The following FBN1 variants were observed in gnomAD, a reference collection of about 807,000 sequenced individuals.
FBN1 encodes fibrillin 1.
Under a neutral mutation model 365.1 loss-of-function variants are expected in FBN1, and 29 were observed. That is an observed-to-expected ratio of 0.08 (90% CI 0.06 to 0.11). The LOEUF is 0.11. FBN1 is among the 10% of genes least tolerant of loss of function. FBN1 has a pLI of 1.00. For missense variants in FBN1, 2,476 were observed against 3,703.2 expected, an observed-to-expected ratio of 0.67 and a Z score of 8.60; for synonymous variants, 1,210 against 1,270.5, an observed-to-expected ratio of 0.95 and a Z score of 1.01.
intron 13 of FBN1, among the ~76,000 whole-genome samples, chr15:48,511,685 A>G (rs748165930): frequency 2.0e-5 from 3 of 152,194 alleles, no homozygotes; most frequent in Non-Finnish European, 2.9e-5. Context: ...AACTTTCATC[A>G]GCAAAATAAT....
In FBN1 at chr15:48,564,618, C is replaced by T. The variant is rs150025656; in HGVS notation, c.539-26810G>A. On this transcript the variant is annotated intron_variant, in intron 6 of 65. Transcript: ENST00000316623. ...AAAATCCCAGGTGGCCCTCACATAT[C>T]GATGAAATAAATATTTATAGTTGCA... is the stretch of plus-strand genomic sequence containing the variant. Among the ~76,000 whole-genome samples, 1,031 of 152,066 alleles carry T rather than the reference C, an allele frequency of 6.8e-3. 16 individuals are homozygous for T. Among genetic ancestry groups the T allele is most frequent in the African/African-American group, 0.024 (981 of 41,490 alleles).
At chr15:48,628,049 G>A (rs1427643072) in intron 2 of FBN1, among the ~76,000 whole-genome samples, 4 of 152,174 alleles carry the variant, frequency 2.6e-5, no homozygotes, top group East Asian at 3.9e-4. Flanking sequence ...TCACCCAGGA[G>A]TTTTCTATCA....
intron 3 of FBN1, among the ~76,000 whole-genome samples, chr15:48,611,561 A>G (rs2044656354): frequency 6.6e-6 from 1 of 152,130 alleles, no homozygotes; most frequent in African/African-American, 2.4e-5. Flanking sequence ...CGTCCAGCCT[A>G]TTGTAAATGT....
At chr15:48,465,108 G>T (rs2043310068) in intron 40 of FBN1, among the ~76,000 whole-genome samples, 1 of 152,136 alleles carries the variant, frequency 6.6e-6, no homozygotes, top group Admixed American at 6.5e-5. Context: ...ATGAACAAGG[G>T]CCACCACTCA....
At chr15:48,429,442 AT>A (rs1289429064) in intron 56 of FBN1, among the ~76,000 whole-genome samples, 11 of 152,262 alleles carry the variant, frequency 7.2e-5, no homozygotes, top group Admixed American at 4.6e-4. Context: ...TCTGATGATT[AT>A]TTAGAAAGAT....
Position 48,436,883 on chromosome 15 carries a change from T to C in FBN1, c.6496+78A>G, listed in dbSNP as rs363819. The stretch of plus-strand genomic sequence containing the variant: ...TTTCAGTGCCATCTTGGTACCTATA[T>C]TCATGGCTATACAGTGAATACTGTA... On this transcript the variant is annotated intron_variant, in intron 53 of 65. Coordinates refer to ENST00000316623, the MANE Select transcript of FBN1 (RefSeq NM_000138.5). The C allele has an allele frequency of 9.5e-5, 85 of 892,970 alleles. No individual in the cohort carries two copies. In the East Asian group the frequency reaches 1.4e-3, roughly 15 times the overall value. 55.3% of individuals were successfully genotyped at this position (892,970 alleles called of 1,614,324 possible). A position where few individuals can be genotyped will look rare whatever the true frequency, so the allele number is the denominator to read the frequency against.
intron 60 of FBN1, among the ~76,000 whole-genome samples, chr15:48,423,920 A>G (rs2042960806): frequency 6.6e-6 from 1 of 152,220 alleles, no homozygotes; most frequent in African/African-American, 2.4e-5. Context: ...AACTTTATTG[A>G]TGCATTTTCA....
At chr15:48,537,444 C>T (rs1322718511) in intron 7 of FBN1, among the ~76,000 whole-genome samples, 167 bp downstream of exon 7, 1 of 152,234 alleles carries the variant, frequency 6.6e-6, no homozygotes, top group Non-Finnish European at 1.5e-5. Flanking sequence ...TTCAGCTGCT[C>T]TCTCGAGAGC....
intron 31 of FBN1, among the ~76,000 whole-genome samples, chr15:48,482,399 A>C (rs1233844282): frequency 6.6e-6 from 1 of 152,232 alleles, no homozygotes; most frequent in Non-Finnish European, 1.5e-5. Flanking sequence ...CAACCAAAAA[A>C]AATAGACAAT....
intron 6 of FBN1, among the ~76,000 whole-genome samples, chr15:48,562,250 G>T (rs927704755): frequency 3.9e-5 from 6 of 152,180 alleles, no homozygotes; most frequent in Non-Finnish European, 5.9e-5. Context: ...GTGCTGTGAT[G>T]CTGGGACATC....
chr15:48,484,612 C>CT (rs1816334464), intron 30 of FBN1, among the ~76,000 whole-genome samples: 1 of 152,146 alleles, frequency 6.6e-6, no homozygotes, highest in African/African-American at 2.4e-5. Flanking sequence ...CTCAGGTGAT[C>CT]TGCCTGCCTC....
At chr15:48,509,036 T>C (rs1417495273) in intron 14 of FBN1, among the ~76,000 whole-genome samples, 5 of 152,178 alleles carry the variant, frequency 3.3e-5, no homozygotes, top group Non-Finnish European at 5.9e-5. Flanking sequence ...AATAGCCTAG[T>C]GGGTATATTT....
intron 5 of FBN1, among the ~76,000 whole-genome samples, chr15:48,597,282 C>G (rs1343959017): frequency 6.6e-6 from 1 of 152,232 alleles, no homozygotes; most frequent in Non-Finnish European, 1.5e-5. Flanking sequence ...AGCTGGCAGA[C>G]CACTTCCAGC....
chr15:48,487,885 T>G (rs1597563658), intron 27 of FBN1, among the ~76,000 whole-genome samples: 1 of 152,134 alleles, frequency 6.6e-6, no homozygotes, highest in East Asian at 1.9e-4. Flanking sequence ...CCATTTCAGG[T>G]GTTAAAATCA....
chr15:48,435,103 G>A (rs1237210505), intron 53 of FBN1, among the ~76,000 whole-genome samples: 1 of 151,778 alleles, frequency 6.6e-6, no homozygotes, highest in African/African-American at 2.4e-5. Context: ...AGCCTGATCT[G>A]TAATGTTTAA....
intron 6 of FBN1, among the ~76,000 whole-genome samples, chr15:48,580,407 C>A (rs550812285): frequency 3.2e-4 from 49 of 152,298 alleles, no homozygotes; most frequent in African/African-American, 1.2e-3. Context: ...TACGTTATAT[C>A]CCTCTGACAT....
At chr15:48,549,838 C>CA (rs933208402) in intron 6 of FBN1, among the ~76,000 whole-genome samples, 11 of 144,336 alleles carry the variant, frequency 7.6e-5, no homozygotes, top group Non-Finnish European at 1.7e-4. Context: ...CAAGCACAGA[C>CA]AAAAAAACGA....
Position 48,412,565 on chromosome 15 carries a change from C to A in FBN1, c.8226+4G>T. The stretch of plus-strand genomic sequence containing the variant: ...ACATCAGGAGAAACTAACTTCTGAC[C>A]CACCTCGATATTGGAGGCATCAGTT... On this transcript the variant is annotated splice_donor_region_variant and intron_variant, in intron 65 of 65. Transcript: ENST00000316623. The A allele has an allele frequency of 2.5e-6, 4 of 1,613,838 alleles. No individual in the cohort carries two copies. The highest frequency in any genetic ancestry group is 1.1e-5 in the South Asian group (1 of 91,078).
intron 3 of FBN1, among the ~76,000 whole-genome samples, 186 bp downstream of exon 3, chr15:48,612,824 C>T (rs896804549): frequency 2.0e-5 from 3 of 152,162 alleles, no homozygotes; most frequent in Non-Finnish European, 4.4e-5. Context: ...CGTGACTAAA[C>T]TTTGACAGGG....
Sources: gnomAD v4.1 joint callset for allele counts (sites outside exome capture counted in the v4.1 genomes callset) on GRCh38, gnomAD v4.1.1 for gene constraint, MANE v1.5 for transcripts, NCBI Gene and HGNC (gene_info 2026-07-23, HGNC 2026-07-21) for gene names.